The following DMD variants were observed in gnomAD, a reference collection of about 807,000 sequenced individuals.
DMD encodes the protein mutant dystrophin.
In DMD, 63 loss-of-function variants were observed where a neutral mutation model predicts 330.1. The ratio of observed to expected loss-of-function variants is 0.19; its 90% confidence interval spans 0.16 to 0.24. The LOEUF is 0.24. DMD is among the 10% of genes least tolerant of loss of function. DMD has a pLI of 1.00. For missense variants in DMD, 3,344 were observed against 2,684.1 expected (o/e 1.25, Z -5.43); for synonymous variants, 1,223 against 959.8 (o/e 1.27, Z -5.07).
chrX:31,818,209 T>C (rs1197881071), intron 50 of DMD, among the ~76,000 whole-genome samples: 1 of 112,342 alleles, frequency 8.9e-6, no homozygotes, highest in Non-Finnish European at 1.9e-5. Flanking sequence ...AGACAGTATA[T>C]ATTTTCTTCA....
chrX:32,523,727 T>G (rs1361910176), intron 17 of DMD, among the ~76,000 whole-genome samples: 1 of 111,487 alleles, frequency 9.0e-6, no homozygotes, highest in Non-Finnish European at 1.9e-5. Context: ...TATCTCATGC[T>G]TTTCTCTTGT....
chrX:31,223,486 A>T (rs1001667160), intron 63 of DMD, among the ~76,000 whole-genome samples: 1 of 112,853 alleles, frequency 8.9e-6, no homozygotes, highest in Non-Finnish European at 1.9e-5. Context: ...TAAAGAGAAC[A>T]AGAAATACAT....
chrX:31,322,425 A>G (rs1014765030), intron 62 of DMD, among the ~76,000 whole-genome samples: 1 of 112,333 alleles, frequency 8.9e-6, no homozygotes, highest in Non-Finnish European at 1.9e-5. Flanking sequence ...CAATAATAAA[A>G]TTAAATTCAT....
chrX:32,815,520 T>TATATATATACACACAC, intron 6 of DMD, among the ~76,000 whole-genome samples: 18 of 78,916 alleles, frequency 2.3e-4, no homozygotes, highest in African/African-American at 7.4e-4. Flanking sequence ...TATATATATA[T>TATATATATACACACAC]ACACACACAC....
intron 60 of DMD, among the ~76,000 whole-genome samples, chrX:31,418,697 T>G (rs749808829): frequency 8.9e-6 from 1 of 112,227 alleles, no homozygotes; most frequent in African/African-American, 3.2e-5. Context: ...CTCTCTTTAT[T>G]TACGAAAGGA....
chrX:32,133,162 CCA>C (rs776282027), intron 44 of DMD, among the ~76,000 whole-genome samples: 3 of 109,299 alleles, frequency 2.7e-5, no homozygotes, highest in Non-Finnish European at 3.8e-5. Flanking sequence ...GTGTGTGCCA[CCA>C]CACCCAGCTA....
intron 13 of DMD, among the ~76,000 whole-genome samples, chrX:32,585,427 C>A (rs989765409): frequency 1.8e-5 from 2 of 110,897 alleles, no homozygotes; most frequent in Admixed American, 9.6e-5. Flanking sequence ...GGTGGCCGGG[C>A]GTGGTGGCTC....
intron 44 of DMD, among the ~76,000 whole-genome samples, chrX:32,046,836 G>C (rs1356127779): frequency 8.9e-6 from 1 of 111,847 alleles, no homozygotes; most frequent in Non-Finnish European, 1.9e-5. Flanking sequence ...CACATGACCT[G>C]TGGGAAATTG....
At chrX:31,554,283 T>C (rs2074671307) in intron 55 of DMD, among the ~76,000 whole-genome samples, 1 of 111,163 alleles carries the variant, frequency 9.0e-6, no homozygotes, top group Non-Finnish European at 1.9e-5. Context: ...AAAACAATGA[T>C]ATCTGGGTTC....
chrX:32,980,113 C>T (rs1374673977), intron 2 of DMD, among the ~76,000 whole-genome samples: 4 of 110,145 alleles, frequency 3.6e-5, no homozygotes, highest in Non-Finnish European at 7.6e-5. Context: ...CGCCTGTAAT[C>T]CCAGCACTTT....
At chrX:33,243,286 G>T (rs753403959) in intron 1 of DMD, among the ~76,000 whole-genome samples, 24 of 111,685 alleles carry the variant, frequency 2.1e-4, no homozygotes, top group African/African-American at 7.2e-4. Context: ...CTGATATGTT[G>T]ATTTTGTATC....
At chrX:31,186,250 T>C (rs1052417432) in intron 67 of DMD, among the ~76,000 whole-genome samples, 1 of 112,007 alleles carries the variant, frequency 8.9e-6, no homozygotes, top group Non-Finnish European at 1.9e-5. Context: ...AGAATCAATC[T>C]AAATGCCCAC....
intron 25 of DMD, among the ~76,000 whole-genome samples, chrX:32,461,419 G>A (rs1331104925): frequency 9.0e-6 from 1 of 111,240 alleles, no homozygotes; most frequent in East Asian, 2.8e-4. Flanking sequence ...GAAAAGCACA[G>A]ATACATATAA....
At chrX:32,092,307 C>T (rs1254462232) in intron 44 of DMD, among the ~76,000 whole-genome samples, 2 of 111,749 alleles carry the variant, frequency 1.8e-5, no homozygotes, top group Non-Finnish European at 3.8e-5. Context: ...ACTCCTATTA[C>T]ATTTGTCCAC....
intron 29 of DMD, among the ~76,000 whole-genome samples, chrX:32,419,171 G>C (rs1435285633): frequency 9.1e-6 from 1 of 110,384 alleles, no homozygotes; most frequent in Non-Finnish European, 1.9e-5. Flanking sequence ...TTAATGAAAT[G>C]TTTTCCAAAA....
intron 21 of DMD, among the ~76,000 whole-genome samples, chrX:32,474,401 C>T (rs1463846954): frequency 2.7e-5 from 3 of 111,380 alleles, no homozygotes; most frequent in East Asian, 5.7e-4. Context: ...ATTGCTGGAT[C>T]GAGTGGTAGT....
At chrX:31,831,317 A>G (rs1315745238) in intron 49 of DMD, among the ~76,000 whole-genome samples, 1 of 112,215 alleles carries the variant, frequency 8.9e-6, no homozygotes, top group East Asian at 2.8e-4. Flanking sequence ...TTCATAAAAT[A>G]TAAATGTGCC....
In DMD at chrX:32,064,661, G is replaced by C. The variant is rs1282367870; in HGVS notation, c.6439-96147C>G. 4.5e-5 allele frequency among the ~76,000 whole-genome samples: 5 copies of C among 110,751 alleles called. No individual in the cohort carries two copies. In the Admixed American group the frequency reaches 4.8e-4, roughly 11 times the overall value. On this transcript the variant is annotated intron_variant, in intron 44 of 78. Transcript: ENST00000357033. ...GAATTTCCTGTTTGTTGTGTGTATT[G>C]TATGTGTCTGTCTGTATGCATGCAT...
chrX:32,007,177 AC>A (rs1426735447), intron 44 of DMD, among the ~76,000 whole-genome samples: 1 of 103,298 alleles, frequency 9.7e-6, no homozygotes, highest in Admixed American at 1.1e-4. Context: ...TATGTAACTA[AC>A]CTGCACATTG....
Sources: gnomAD v4.1 joint callset for allele counts (sites outside exome capture counted in the v4.1 genomes callset) on GRCh38, gnomAD v4.1.1 for gene constraint, MANE v1.5 for transcripts, NCBI Gene and HGNC (gene_info 2026-07-23, HGNC 2026-07-21) for gene names.